Variants in ATP8A2 observed in about 807,000 individuals in gnomAD.
ATP8A2 encodes the protein phospholipid-transporting ATPase IB.
A neutral mutation model predicts 165.6 loss-of-function variants in ATP8A2; 100 were observed. The ratio of observed to expected loss-of-function variants is 0.60; its 90% CI spans 0.51 to 0.71. The LOEUF is 0.71. ATP8A2 is among the 30% of genes least tolerant of loss of function. The probability of loss-of-function intolerance (pLI) is 0.00; values close to 1 mark genes in which losing one functional copy is unlikely to be tolerated. For missense variants in ATP8A2, 1,227 were observed against 1,479.5 expected (o/e 0.83, Z 2.80); for synonymous variants, 543 against 548.8 (o/e 0.99, Z 0.15).
At chr13:25,949,713 C>T (rs1955302631) in intron 33 of ATP8A2, among the ~76,000 whole-genome samples, 3 of 152,146 alleles carry the variant, frequency 2.0e-5, no homozygotes, top group African/African-American at 7.2e-5. Context: ...GGACAATTGC[C>T]CCTGAGACAC....
intron 30 of ATP8A2, among the ~76,000 whole-genome samples, chr13:25,852,441 C>T (rs903638326): frequency 6.6e-6 from 1 of 152,190 alleles, no homozygotes; most frequent in Non-Finnish European, 1.5e-5. Flanking sequence ...TCCAGGCGTT[C>T]CTGGCACTCC....
intron 16 of ATP8A2, among the ~76,000 whole-genome samples, chr13:25,568,654 G>T (rs2039384608): frequency 6.6e-6 from 1 of 152,096 alleles, no homozygotes; most frequent in African/African-American, 2.4e-5. Flanking sequence ...AGTTTCTGCT[G>T]GGGAAGATGA....
intron 33 of ATP8A2, among the ~76,000 whole-genome samples, chr13:25,925,842 C>T (rs1385612467): frequency 2.6e-5 from 4 of 151,490 alleles, no homozygotes; most frequent in African/African-American, 7.3e-5. Context: ...ATTCTCCTGT[C>T]TCAGCCTCCC....
chr13:26,012,618 C>G lies in ATP8A2; in HGVS notation c.3465C>G (p.Val1155=), dbSNP rs2139358227. 6.7e-7 allele frequency: 1 copy of G among 1,487,110 alleles called. No homozygotes were observed. The highest frequency in any genetic ancestry group is 8.9e-7 in the Non-Finnish European group (1 of 1,118,566). The allele number at this position is 1,487,110 out of a possible 1,614,324, so 92.1% of individuals were successfully genotyped here. The change falls in exon 36 of 37, where the codon GTC becomes GTG. Residue 1155 remains valine (V), a synonymous_variant. Coordinates refer to ENST00000381655, the MANE Select transcript of ATP8A2 (RefSeq NM_016529.6). ...LFRGSSLQQG[V]PHGYAFSQEE... ...GGGGCAGCTCCCTGCAGCAGGGCGT[C>G]CCGCGTGAGTACCGCGGGCGGGGGC...
intron 25 of ATP8A2, among the ~76,000 whole-genome samples, chr13:25,733,000 CAAGT>C (rs934666433): frequency 1.3e-4 from 20 of 152,058 alleles, no homozygotes; most frequent in East Asian, 9.7e-4. Flanking sequence ...AATTTTCCCA[CAAGT>C]AAGAAAACTG....
chr13:25,582,024 T>C (rs2039791638), intron 23 of ATP8A2, 67 bp downstream of exon 23: 2 of 1,389,330 alleles, frequency 1.4e-6, no homozygotes, highest in South Asian at 2.6e-5. Context: ...ATCTTTTAAA[T>C]GTGTCTAAAT....
intron 2 of ATP8A2, among the ~76,000 whole-genome samples, chr13:25,479,212 TGTTA>T (rs1351425507): frequency 6.6e-6 from 1 of 152,224 alleles, no homozygotes; most frequent in Non-Finnish European, 1.5e-5. Context: ...GTGCTATCAT[TGTTA>T]GTTATTATCT....
chr13:25,771,810 A>G (rs1382230395), intron 26 of ATP8A2, among the ~76,000 whole-genome samples: 4 of 152,188 alleles, frequency 2.6e-5, no homozygotes, highest in Admixed American at 2.6e-4. Flanking sequence ...ACCAACCAAC[A>G]TGCTGCCTCT....
chr13:25,681,291 T>A (rs1319673686), intron 24 of ATP8A2, among the ~76,000 whole-genome samples: 1 of 152,254 alleles, frequency 6.6e-6, no homozygotes, highest in Non-Finnish European at 1.5e-5. Context: ...TGTTTTTAAT[T>A]TGTTAGCCTG....
intron 35 of ATP8A2, among the ~76,000 whole-genome samples, chr13:25,975,078 G>T (rs954597351): frequency 1.3e-4 from 20 of 152,146 alleles, no homozygotes; most frequent in Non-Finnish European, 2.6e-4. Flanking sequence ...GCTACCCTTG[G>T]CTCTTCTTGA....
At position 25,699,186 on chromosome 13, in the gene ATP8A2, C is replaced by T. The variant is rs1441702372; in HGVS notation, c.2225C>T (p.Ala742Val). ...KEDSLDATRA[A>V]ITQHCTDLGN... ...CTCTTGTTTCAGGCCACAAGGGCAG[C>T]CATTACTCAGCACTGCACTGACCTT... is the stretch of plus-strand genomic sequence containing the variant. The change falls in exon 25 of 37, where the codon GCC becomes GTC. Residue 742 changes from alanine (A) to valine (V), a missense_variant. Ala to Val is a moderately conservative substitution (Grantham distance 64, BLOSUM62 0). This residue lies in a region of ATP8A2 where 592 missense variants were observed against 785.6 expected (regional missense o/e 0.75). Transcript: ENST00000381655. 11 of 1,570,330 alleles carry T rather than the reference C, an allele frequency of 7.0e-6. No homozygotes were observed. Among genetic ancestry groups the T allele is most frequent in the Non-Finnish European group, 8.6e-6 (10 of 1,157,012 alleles).
At chr13:26,002,734 A>G (rs9512017) in intron 35 of ATP8A2, among the ~76,000 whole-genome samples, 40,946 of 151,926 alleles carry the variant, frequency 0.27, 5,565 homozygotes, top group Non-Finnish European at 0.3. Context: ...AAATGAGATC[A>G]TGCAGCACTT....
Position 25,953,522 on chromosome 13 carries a change from TAAAA to T in ATP8A2, c.3184-8032_3184-8029del, listed in dbSNP as rs374397075. Among the ~76,000 whole-genome samples the T allele has an allele frequency of 6.3e-5, 6 of 94,960 alleles. No individual in the cohort carries two copies. The highest frequency in any genetic ancestry group is 3.7e-4 in the South Asian group (1 of 2,708). The allele number at this position is 94,960 out of a possible 152,430, so 62.3% of individuals were successfully genotyped here. ...GTAGCCCTGGTTACTCCAGCCTTTT[TAAAA>T]AAAAAAAAAAAAAAAAAAAAGCAAG... On this transcript the variant is annotated intron_variant, in intron 33 of 36. Coordinates refer to ENST00000381655, the MANE Select transcript of ATP8A2 (RefSeq NM_016529.6). This position sits in a 1 kb window ranked among gnomAD's most constrained non-coding sequence, Gnocchi z 6.7.
intron 24 of ATP8A2, among the ~76,000 whole-genome samples, chr13:25,605,118 T>C (rs984437140): frequency 6.6e-6 from 1 of 152,200 alleles, no homozygotes; most frequent in African/African-American, 2.4e-5. Context: ...TCTCAGGGTA[T>C]TGTAAGAGAA....
intron 1 of ATP8A2, among the ~76,000 whole-genome samples, chr13:25,458,439 T>C (rs1254624248): frequency 6.6e-6 from 1 of 152,212 alleles, no homozygotes; most frequent in African/African-American, 2.4e-5. Flanking sequence ...GGCCTTAAAC[T>C]CTTGGGCTCA....
chr13:25,908,465 T>C (rs1432700082), intron 33 of ATP8A2, among the ~76,000 whole-genome samples: 1 of 152,260 alleles, frequency 6.6e-6, no homozygotes, highest in Non-Finnish European at 1.5e-5. Flanking sequence ...GAAGCCGAGA[T>C]TGTTCTTCCT....
chr13:25,726,578 C>T (rs1221819068), intron 25 of ATP8A2, among the ~76,000 whole-genome samples: 1 of 152,176 alleles, frequency 6.6e-6, no homozygotes, highest in African/African-American at 2.4e-5. Flanking sequence ...TCTGTTGTCA[C>T]ATTGCTTTCT....
intron 25 of ATP8A2, among the ~76,000 whole-genome samples, chr13:25,724,734 A>G (rs763312361): frequency 3.3e-5 from 5 of 152,136 alleles, no homozygotes; most frequent in Non-Finnish European, 7.3e-5. Flanking sequence ...GGAATATCTT[A>G]TGGTAGGCAT....
At chr13:25,407,122 C>T (rs1181638466) in intron 1 of ATP8A2, among the ~76,000 whole-genome samples, 1 of 152,184 alleles carries the variant, frequency 6.6e-6, no homozygotes, top group Non-Finnish European at 1.5e-5. Context: ...ATGATATTCT[C>T]AGTGTCCACC....
Sources: allele counts gnomAD v4.1 joint callset (sites outside exome capture counted in the v4.1 genomes callset), GRCh38; gene constraint gnomAD v4.1.1; regional missense constraint gnomAD v4.1.1; non-coding constraint Gnocchi (gnomAD v3.1); transcripts MANE v1.5; gene names NCBI Gene and HGNC (gene_info 2026-07-23, HGNC 2026-07-21).